MACROD2: variants seen among roughly 807,000 people sequenced by gnomAD.
MACROD2 encodes the protein ADP-ribose glycohydrolase MACROD2.
A neutral mutation model predicts 70.4 loss-of-function variants in MACROD2; 36 were observed. The ratio of observed to expected loss-of-function variants is 0.51; its 90% confidence interval spans 0.39 to 0.68. The LOEUF (loss-of-function observed/expected upper bound fraction) is 0.68. Among genes scored for constraint, MACROD2 ranks in the 30% least tolerant of loss-of-function variants. The probability of loss-of-function intolerance (pLI) is 0.00; values close to 1 mark genes in which losing one functional copy is unlikely to be tolerated. For synonymous variants in MACROD2, 172 were observed against 178.8 expected (o/e 0.96, Z 0.30); for missense variants, 496 against 538.4 (o/e 0.92, Z 0.78).
chr20:15,654,538 C>T (rs975916447), intron 8 of MACROD2, among the ~76,000 whole-genome samples: 1 of 152,200 alleles, frequency 6.6e-6, no homozygotes, highest in Non-Finnish European at 1.5e-5. Context: ...TCCCTAAGCA[C>T]CCCTCCACTT....
intron 8 of MACROD2, among the ~76,000 whole-genome samples, chr20:15,783,054 T>G (rs1209102636): frequency 6.6e-6 from 1 of 152,182 alleles, no homozygotes; most frequent in African/African-American, 2.4e-5. Flanking sequence ...TTTTAAATTT[T>G]CTTTTTTAGT....
intron 3 of MACROD2, among the ~76,000 whole-genome samples, chr20:14,183,120 C>G (rs1424678599): frequency 6.7e-6 from 1 of 149,124 alleles, no homozygotes; most frequent in African/African-American, 2.5e-5. Context: ...ATTTCATCAC[C>G]CGGGTATTAA....
intron 8 of MACROD2, among the ~76,000 whole-genome samples, chr20:15,700,880 CATTA>C (rs1568982088): frequency 2.6e-5 from 4 of 152,308 alleles, no homozygotes; most frequent in African/African-American, 9.6e-5. Flanking sequence ...AGATATAAAT[CATTA>C]ATTCATTCAT....
chr20:15,503,492 A>G (rs552728869), intron 8 of MACROD2, among the ~76,000 whole-genome samples: 2 of 152,332 alleles, frequency 1.3e-5, no homozygotes, highest in East Asian at 3.9e-4. Flanking sequence ...GCTTACATAA[A>G]GGAGAATGTG....
chr20:16,004,820 C>T (rs1326410960), intron 15 of MACROD2, among the ~76,000 whole-genome samples: 1 of 152,180 alleles, frequency 6.6e-6, no homozygotes, highest in Non-Finnish European at 1.5e-5. Flanking sequence ...TCTCTTGGCC[C>T]CAGCACAAGA....
At chr20:14,821,389 A>C (rs748751382) in intron 5 of MACROD2, among the ~76,000 whole-genome samples, 1 of 152,006 alleles carries the variant, frequency 6.6e-6, no homozygotes, top group African/African-American at 2.4e-5. Context: ...GGTCAGATAA[A>C]GGGGTTGGAA....
intron 12 of MACROD2, among the ~76,000 whole-genome samples, chr20:15,946,122 A>T (rs930130021): frequency 6.6e-6 from 1 of 152,152 alleles, no homozygotes; most frequent in African/African-American, 2.4e-5. Context: ...AGCACTTTGT[A>T]TTATATTCCT....
intron 3 of MACROD2, among the ~76,000 whole-genome samples, chr20:14,393,883 C>T (rs1400414789): frequency 1.3e-5 from 2 of 152,108 alleles, no homozygotes; most frequent in African/African-American, 4.8e-5. Flanking sequence ...GGATTACTGT[C>T]CTTATAAGAA....
intron 7 of MACROD2, among the ~76,000 whole-genome samples, chr20:15,489,487 A>G (rs1041025138): frequency 4.6e-5 from 7 of 152,196 alleles, no homozygotes; most frequent in Non-Finnish European, 8.8e-5. Context: ...GAGCCATCAG[A>G]ACTGCCAGCT....
intron 6 of MACROD2, among the ~76,000 whole-genome samples, chr20:15,324,528 G>A (rs1351790476): frequency 6.6e-6 from 1 of 152,104 alleles, no homozygotes; most frequent in Non-Finnish European, 1.5e-5. Flanking sequence ...ACTCTTTGAT[G>A]GCATAGACCC....
intron 8 of MACROD2, among the ~76,000 whole-genome samples, chr20:15,745,735 T>TAC (rs2051173546): frequency 1.3e-5 from 2 of 152,202 alleles, no homozygotes; most frequent in African/African-American, 4.8e-5. Context: ...CACATCATAG[T>TAC]ACAGTACAGG....
intron 8 of MACROD2, among the ~76,000 whole-genome samples, chr20:15,598,386 A>T (rs1235232189): frequency 6.6e-6 from 1 of 152,152 alleles, no homozygotes; most frequent in Non-Finnish European, 1.5e-5. Context: ...TCGGGGGATG[A>T]TGGGAGACAA....
chr20:15,172,498 T>A (rs1296638929), intron 5 of MACROD2, among the ~76,000 whole-genome samples: 1 of 152,208 alleles, frequency 6.6e-6, no homozygotes, highest in African/African-American at 2.4e-5. Flanking sequence ...GCTATCCTCC[T>A]GCCTCAGCCT....
At position 15,377,308 on chromosome 20, in the gene MACROD2, AG is replaced by A. The variant is rs147733654; in HGVS notation, c.541-54093del. 2.5e-3 allele frequency among the ~76,000 whole-genome samples: 388 copies of A among 152,276 alleles called. 2 individuals are homozygous for A. The highest frequency in any genetic ancestry group is 9.1e-3 in the African/African-American group (377 of 41,558). On this transcript the variant is annotated intron_variant, in intron 6 of 17. Transcript: ENST00000684519. ...TCTCTTCCTACTCACTGGTCTCCACAGGGGAAAAAAAGGAAGACTGTGATAA... is the reference window on the plus strand; with the variant it reads ...TCTCTTCCTACTCACTGGTCTCCACAGGGAAAAAAAGGAAGACTGTGATAA...
chr20:14,244,083 C>A (rs1333995154), intron 3 of MACROD2, among the ~76,000 whole-genome samples: 2 of 152,156 alleles, frequency 1.3e-5, no homozygotes, highest in African/African-American at 4.8e-5. Context: ...AGGCTTCTTT[C>A]TAAGTGCATT....
intron 6 of MACROD2, among the ~76,000 whole-genome samples, chr20:15,234,610 C>G (rs1455421187): frequency 2.0e-5 from 3 of 152,136 alleles, no homozygotes; most frequent in African/African-American, 7.2e-5. Flanking sequence ...AATCAAGCAT[C>G]TAAATTATGT....
At chr20:14,676,434 A>C (rs999938520) in intron 4 of MACROD2, among the ~76,000 whole-genome samples, 2 of 152,216 alleles carry the variant, frequency 1.3e-5, no homozygotes, top group Non-Finnish European at 2.9e-5. Context: ...GCACAACTAC[A>C]TGGAAACTGA....
intron 2 of MACROD2, among the ~76,000 whole-genome samples, chr20:14,018,868 A>C (rs6110132): frequency 0.15 from 23,198 of 152,158 alleles, 1,961 homozygotes; most frequent in Admixed American, 0.22. Context: ...GCTTTATTGC[A>C]AGGTTGACTA....
intron 4 of MACROD2, among the ~76,000 whole-genome samples, chr20:14,610,588 G>A (rs928136578): frequency 6.6e-6 from 1 of 152,052 alleles, no homozygotes; most frequent in African/African-American, 2.4e-5. Context: ...AGTAAGTATA[G>A]TGTTTGCTTG....
Sources: gnomAD v4.1 joint callset for allele counts (sites outside exome capture counted in the v4.1 genomes callset) on GRCh38, gnomAD v4.1.1 for gene constraint, MANE v1.5 for transcripts, NCBI Gene and HGNC (gene_info 2026-07-23, HGNC 2026-07-21) for gene names.